Variants in FAF1 observed in about 807,000 individuals in gnomAD.
The protein encoded by FAF1 is FAS-associated factor 1.
A neutral mutation model predicts 92.5 loss-of-function variants in FAF1; 25 were observed. The observed-to-expected ratio is 0.27, with a 90% confidence interval of 0.20 to 0.38. The LOEUF is 0.38. Among genes scored for constraint, FAF1 ranks in the 10% least tolerant of loss-of-function variants. The probability of loss-of-function intolerance (pLI) is 1.00; values close to 1 mark genes in which losing one functional copy is unlikely to be tolerated. For missense variants in FAF1, 636 were observed against 793.3 expected (o/e 0.80, Z 2.38); for synonymous variants, 234 against 273.2 (o/e 0.86, Z 1.42).
chr1:50,538,107 T>C (rs983476756), intron 14 of FAF1, among the ~76,000 whole-genome samples: 2 of 149,852 alleles, frequency 1.3e-5, no homozygotes, highest in African/African-American at 2.5e-5. Flanking sequence ...CATTATAGGA[T>C]ATTAAAAAAA....
chr1:50,627,148 A>C (rs1335195735), intron 8 of FAF1, among the ~76,000 whole-genome samples: 11 of 152,164 alleles, frequency 7.2e-5, no homozygotes, highest in Non-Finnish European at 1.5e-4. Context: ...TGAGGCTAGA[A>C]ATATAAATTT....
chr1:50,728,239 G>C (rs1045987687), intron 6 of FAF1, among the ~76,000 whole-genome samples: 2 of 152,274 alleles, frequency 1.3e-5, no homozygotes, highest in South Asian at 4.1e-4. Flanking sequence ...TATTTGAGTA[G>C]AGGCCTAAAT....
At chr1:50,944,244 G>C (rs1383011164) in intron 1 of FAF1, among the ~76,000 whole-genome samples, 2 of 152,176 alleles carry the variant, frequency 1.3e-5, no homozygotes, top group African/African-American at 4.8e-5. Flanking sequence ...AGCCATGGGG[G>C]ATGGCAGACC....
rs557339910 is a variant in FAF1 at position 50,918,316 on chromosome 1, A to G, written c.45+41451T>C. On this transcript the variant is annotated intron_variant, in intron 1 of 18. Transcript: ENST00000396153. ...ACTAACGTGTCATCTAGCATTAGGT[A>G]TATCTCCCAATGCTATCCCTCCCCC... 8.1e-5 allele frequency among the ~76,000 whole-genome samples: 9 copies of G among 110,960 alleles called. No homozygotes were observed. The East Asian group carries it at 2.5e-3, about 30-fold the overall frequency. 72.8% of individuals were successfully genotyped at this position (110,960 alleles called of 152,430 possible). A position where few individuals can be genotyped will look rare whatever the true frequency, so the allele number is the denominator to read the frequency against.
chr1:50,648,164 A>G (rs1654681404), intron 8 of FAF1, among the ~76,000 whole-genome samples: 1 of 152,210 alleles, frequency 6.6e-6, no homozygotes, highest in Non-Finnish European at 1.5e-5. Context: ...AGGCTGAGGC[A>G]GAAGAATTGC....
intron 1 of FAF1, among the ~76,000 whole-genome samples, chr1:50,880,453 T>C (rs1230466024): frequency 6.6e-6 from 1 of 152,108 alleles, no homozygotes; most frequent in East Asian, 1.9e-4. Flanking sequence ...AAGGAAATAA[T>C]TAAGGTTAAA....
intron 2 of FAF1, among the ~76,000 whole-genome samples, chr1:50,808,594 C>T (rs1323566800): frequency 1.1e-4 from 17 of 151,510 alleles, no homozygotes; most frequent in Admixed American, 1.1e-3. Context: ...CAAACAAAAA[C>T]TCAACAAAGC....
At chr1:50,697,032 C>A (rs1427204345) in intron 7 of FAF1, among the ~76,000 whole-genome samples, 1 of 152,198 alleles carries the variant, frequency 6.6e-6, no homozygotes, top group Non-Finnish European at 1.5e-5. Context: ...TTTGGACCAG[C>A]TGGGTAGAAA....
At chr1:50,501,317 A>T (rs1301515018) in intron 15 of FAF1, among the ~76,000 whole-genome samples, 1 of 152,210 alleles carries the variant, frequency 6.6e-6, no homozygotes, top group Non-Finnish European at 1.5e-5. Flanking sequence ...AAGAAAATGC[A>T]AACTAAAACC....
chr1:50,610,668 G>A (rs754418474), intron 8 of FAF1, among the ~76,000 whole-genome samples: 7 of 152,004 alleles, frequency 4.6e-5, no homozygotes, highest in Non-Finnish European at 1.0e-4. Context: ...ACTGCTGACA[G>A]CTTTATTCAA....
intron 2 of FAF1, among the ~76,000 whole-genome samples, chr1:50,827,096 C>T (rs1034131758): frequency 1.3e-5 from 2 of 151,814 alleles, no homozygotes; most frequent in African/African-American, 4.8e-5. Context: ...TCTGCCCGGC[C>T]ACCCCATCTG....
intron 2 of FAF1, among the ~76,000 whole-genome samples, chr1:50,854,486 T>A (rs574497658): frequency 6.6e-6 from 1 of 152,120 alleles, no homozygotes; most frequent in East Asian, 1.9e-4. Context: ...ACCTACAGGG[T>A]TCCTGTCAAG....
chr1:50,569,113 T>A (rs1367979296), intron 12 of FAF1, among the ~76,000 whole-genome samples: 1 of 152,136 alleles, frequency 6.6e-6, no homozygotes, highest in African/African-American at 2.4e-5. Context: ...TGTAATCAGA[T>A]ACATTGTTAG....
chr1:50,539,026 G>A (rs941867984), intron 14 of FAF1, among the ~76,000 whole-genome samples: 1 of 152,188 alleles, frequency 6.6e-6, no homozygotes, highest in African/African-American at 2.4e-5. Flanking sequence ...AACCCTTGGA[G>A]TGCATTACTA....
chr1:50,650,441 G>A (rs1408399028), intron 8 of FAF1, among the ~76,000 whole-genome samples: 2 of 151,562 alleles, frequency 1.3e-5, no homozygotes, highest in Non-Finnish European at 2.9e-5. Flanking sequence ...CCAACACAGC[G>A]AAACCCTGTC....
At chr1:50,632,679 AT>A (rs944405128) in intron 8 of FAF1, among the ~76,000 whole-genome samples, 1 of 151,890 alleles carries the variant, frequency 6.6e-6, no homozygotes, top group Non-Finnish European at 1.5e-5. Context: ...TTTTTGTTTT[AT>A]TTTGTTTTTG....
intron 2 of FAF1, among the ~76,000 whole-genome samples, chr1:50,819,668 ACTCT>A (rs1404970798): frequency 4.2e-5 from 5 of 118,898 alleles, no homozygotes; most frequent in Admixed American, 9.1e-5. Context: ...ACACACACAC[ACTCT>A]CTCTCTGTAT....
chr1:50,753,913 A>G (rs921091911), intron 4 of FAF1, among the ~76,000 whole-genome samples: 1 of 151,884 alleles, frequency 6.6e-6, no homozygotes. Context: ...GTACGCCACC[A>G]TGCTCAGCTA....
chr1:50,702,131 G>C (rs961544662), intron 7 of FAF1, among the ~76,000 whole-genome samples: 7 of 152,032 alleles, frequency 4.6e-5, no homozygotes, highest in Non-Finnish European at 1.0e-4. Flanking sequence ...CGATAACAAA[G>C]AATCAGTTTC....
Sources: gnomAD v4.1 joint callset for allele counts (sites outside exome capture counted in the v4.1 genomes callset) on GRCh38, gnomAD v4.1.1 for gene constraint, MANE v1.5 for transcripts, NCBI Gene and HGNC (gene_info 2026-07-23, HGNC 2026-07-21) for gene names.